The following NRG3 variants were observed in gnomAD, a reference collection of about 807,000 sequenced individuals.
The protein encoded by NRG3 is pro-neuregulin-3, membrane-bound isoform.
In NRG3, 31 loss-of-function variants were observed where a neutral mutation model predicts 66.9. The observed-to-expected ratio is 0.46, with a 90% CI of 0.35 to 0.63. The LOEUF (loss-of-function observed/expected upper bound fraction) is 0.63, where lower values mean the gene tolerates loss of function less well. NRG3 is among the 20% of genes least tolerant of loss of function. The pLI, the probability that NRG3 is intolerant of heterozygous loss-of-function variation, is 0.00. For missense variants in NRG3, 910 were observed against 878.9 expected (o/e 1.04, Z -0.45); for synonymous variants, 393 against 359.4 (o/e 1.09, Z -1.06).
chr10:82,440,067 C>T (rs978956818), intron 2 of NRG3, among the ~76,000 whole-genome samples: 5 of 151,894 alleles, frequency 3.3e-5, no homozygotes, highest in African/African-American at 1.2e-4. Flanking sequence ...TCTGGAAAGC[C>T]ATGTGGGCAT....
intron 4 of NRG3, among the ~76,000 whole-genome samples, chr10:82,882,074 A>G (rs1591819410): frequency 1.3e-5 from 2 of 152,140 alleles, no homozygotes; most frequent in East Asian, 3.9e-4. Flanking sequence ...TCTTCTTTTA[A>G]CACGCCGTGA....
At chr10:82,131,089 G>T (rs193233120) in intron 1 of NRG3, among the ~76,000 whole-genome samples, 17 of 152,216 alleles carry the variant, frequency 1.1e-4, no homozygotes, top group Admixed American at 1.1e-3. Flanking sequence ...GCCTGTGCTT[G>T]TGGTGTATTA....
At chr10:82,585,706 G>C (rs557367117) in intron 2 of NRG3, among the ~76,000 whole-genome samples, 5 of 152,190 alleles carry the variant, frequency 3.3e-5, no homozygotes, top group African/African-American at 1.2e-4. Context: ...CACTCTCTAA[G>C]CCTCAATTAT....
intron 2 of NRG3, among the ~76,000 whole-genome samples, chr10:82,362,545 T>TG (rs200236897): frequency 2.4e-5 from 2 of 81,772 alleles, no homozygotes; most frequent in East Asian, 8.1e-4. Context: ...AGATAATTTC[T>TG]GGGTTTTTTT....
chr10:82,188,303 C>A (rs1259899013), intron 1 of NRG3, among the ~76,000 whole-genome samples: 1 of 152,148 alleles, frequency 6.6e-6, no homozygotes. Context: ...ATACAAACAT[C>A]AAATCAAAAT....
chr10:82,561,676 C>T (rs117696904), intron 2 of NRG3, among the ~76,000 whole-genome samples: 2,766 of 152,232 alleles, frequency 0.018, 29 homozygotes, highest in Middle Eastern at 0.068. Context: ...TGGATCCTAA[C>T]CCTTGAATTT....
chr10:82,942,874 C>T (rs147437521), intron 4 of NRG3, among the ~76,000 whole-genome samples: 1 of 152,166 alleles, frequency 6.6e-6, no homozygotes, highest in Non-Finnish European at 1.5e-5. Context: ...AAGAGGTCTG[C>T]TTGTATTACA....
chr10:82,259,476 C>T (rs1046066670), intron 1 of NRG3, among the ~76,000 whole-genome samples: 2 of 152,140 alleles, frequency 1.3e-5, no homozygotes, highest in Non-Finnish European at 2.9e-5. Context: ...CACCTACACT[C>T]CTCTTTATTA....
At chr10:82,012,785 A>G (rs2061634275) in intron 1 of NRG3, among the ~76,000 whole-genome samples, 1 of 152,224 alleles carries the variant, frequency 6.6e-6, no homozygotes, top group Non-Finnish European at 1.5e-5. Context: ...AAAGCATAAA[A>G]AGAGTCACCT....
chr10:82,303,302 T>C (rs1161451696), intron 1 of NRG3, among the ~76,000 whole-genome samples: 2 of 151,724 alleles, frequency 1.3e-5, no homozygotes, highest in Non-Finnish European at 2.9e-5. Context: ...AGATAGCCTA[T>C]GCTTATTCAT....
chr10:82,050,164 A>ATGT (rs35792462), intron 1 of NRG3, among the ~76,000 whole-genome samples: 37,957 of 151,712 alleles, frequency 0.25, 4,846 homozygotes, highest in Middle Eastern at 0.33. Flanking sequence ...ATATTCAGAC[A>ATGT]TGTTAGACTG....
chr10:82,180,665 TA>T (rs2073353420), intron 1 of NRG3, among the ~76,000 whole-genome samples: 1 of 151,936 alleles, frequency 6.6e-6, no homozygotes, highest in African/African-American at 2.4e-5. Flanking sequence ...TTGAGATTTT[TA>T]CATGCATATT....
intron 3 of NRG3, among the ~76,000 whole-genome samples, chr10:82,758,383 A>T (rs1013172895): frequency 6.6e-6 from 1 of 152,112 alleles, no homozygotes; most frequent in Non-Finnish European, 1.5e-5. Context: ...CTATAGATGT[A>T]TTTTTATGAG....
chr10:81,920,337 T>C (rs1052258893), intron 1 of NRG3, among the ~76,000 whole-genome samples: 2 of 152,144 alleles, frequency 1.3e-5, no homozygotes, highest in African/African-American at 4.8e-5. Context: ...TCACTCTATT[T>C]GATTGGAGTT....
chr10:82,694,040 A>AT (rs1316358269), intron 2 of NRG3, among the ~76,000 whole-genome samples: 1 of 152,022 alleles, frequency 6.6e-6, no homozygotes, highest in Non-Finnish European at 1.5e-5. Flanking sequence ...TGATTGGTGC[A>AT]TTTTTACAGA....
At chr10:82,377,289 A>G (rs930455718) in intron 2 of NRG3, among the ~76,000 whole-genome samples, 2 of 152,216 alleles carry the variant, frequency 1.3e-5, no homozygotes, top group Non-Finnish European at 2.9e-5. Context: ...GGCAGGGACA[A>G]CAAGGATGCC....
chr10:82,985,384 C>G lies in NRG3; in HGVS notation c.1870C>G (p.Gln624Glu), dbSNP rs1479702984. Residue 624 changes from glutamine (Q) to glutamate (E), a missense_variant, in exon 9 of 9, where the codon CAA becomes GAA. By Grantham distance (29) the Gln-to-Glu change is conservative (BLOSUM62 2). Coordinates refer to ENST00000372141, the MANE Select transcript of NRG3 (RefSeq NM_001010848.4). ...AGTCAGCGATTGTCTTATAGCAGAA[C>G]AACAAGAAGTGAAAATATTGCTAGA... The part of the protein sequence containing the change: ...IPVSDCLIAE[Q>E]QEVKILLETV... 6 of 1,614,136 alleles carry G rather than the reference C, an allele frequency of 3.7e-6. No homozygotes were observed. In the South Asian group the frequency reaches 5.5e-5, roughly 15 times the overall value.
intron 1 of NRG3, among the ~76,000 whole-genome samples, chr10:82,033,681 T>A (rs1379736865): frequency 6.6e-6 from 1 of 152,140 alleles, no homozygotes; most frequent in Non-Finnish European, 1.5e-5. Flanking sequence ...CAAATTTACA[T>A]GAGCATGTGT....
At chr10:82,632,554 T>C (rs918756990) in intron 2 of NRG3, among the ~76,000 whole-genome samples, 1 of 152,202 alleles carries the variant, frequency 6.6e-6, no homozygotes, top group Non-Finnish European at 1.5e-5. Context: ...ATTTCCTTTA[T>C]TACAACTCAT....
Sources: allele counts gnomAD v4.1 joint callset (sites outside exome capture counted in the v4.1 genomes callset), GRCh38; gene constraint gnomAD v4.1.1; transcripts MANE v1.5; gene names NCBI Gene and HGNC (gene_info 2026-07-23, HGNC 2026-07-21).